Variants in C9 observed in about 807,000 individuals in gnomAD.
C9 encodes the protein complement component C9.
Under a neutral mutation model 65.4 loss-of-function variants are expected in C9, and 63 were observed. That is an observed-to-expected ratio of 0.96 (90% CI 0.79 to 1.19). The LOEUF (loss-of-function observed/expected upper bound fraction) is 1.19, where lower values mean the gene tolerates loss of function less well. Among genes scored for constraint, C9 ranks in the 50% most tolerant of loss-of-function variants. The pLI is 0.00. For synonymous variants in C9, 229 were observed against 227.9 expected (o/e 1.00, Z -0.04); for missense variants, 744 against 670.1 (o/e 1.11, Z -1.22).
At chr5:39,342,380 T>C (rs1754103716) in intron 1 of C9, among the ~76,000 whole-genome samples, 184 bp from the exon 2 acceptor site, 1 of 152,254 alleles carries the variant, frequency 6.6e-6, no homozygotes, top group African/African-American at 2.4e-5. Flanking sequence ...ATCTTTTTGT[T>C]AATTCTTGTC....
chr5:39,300,590 A>G (rs894524613), intron 9 of C9, among the ~76,000 whole-genome samples: 6 of 152,092 alleles, frequency 3.9e-5, no homozygotes, highest in African/African-American at 1.4e-4. Flanking sequence ...TCTGGCAAAC[A>G]TAGGTAATTT....
At chr5:39,347,050 C>A (rs1285034260) in intron 1 of C9, among the ~76,000 whole-genome samples, 2 of 152,134 alleles carry the variant, frequency 1.3e-5, no homozygotes, top group African/African-American at 2.4e-5. Flanking sequence ...TTATGACAAA[C>A]CCACAGCCAA....
intron 9 of C9, among the ~76,000 whole-genome samples, chr5:39,304,582 A>G (rs758603273): frequency 3.9e-5 from 6 of 152,168 alleles, no homozygotes; most frequent in Non-Finnish European, 8.8e-5. Context: ...AAAGTCATAC[A>G]AAGTCAACAA....
chr5:39,337,322 G>A (rs1753989286), intron 4 of C9, among the ~76,000 whole-genome samples: 1 of 152,158 alleles, frequency 6.6e-6, no homozygotes, highest in African/African-American at 2.4e-5. Flanking sequence ...TTGGCCAGTT[G>A]GCTGGACCCA....
At chr5:39,348,603 G>C (rs700215) in intron 1 of C9, among the ~76,000 whole-genome samples, 3,683 of 152,244 alleles carry the variant, frequency 0.024, 157 homozygotes, top group African/African-American at 0.085. Flanking sequence ...CATTGTGGAA[G>C]TCAGTGTGGC....
At chr5:39,331,534 A>T in intron 5 of C9, 142 bp downstream of exon 5, 1 of 757,476 alleles carries the variant, frequency 1.3e-6, no homozygotes, top group Non-Finnish European at 2.3e-6. Flanking sequence ...AAGAGATCCA[A>T]ACTACATCGC....
At chr5:39,356,511 C>T (rs756873163) in intron 1 of C9, among the ~76,000 whole-genome samples, 12 of 152,202 alleles carry the variant, frequency 7.9e-5, no homozygotes, top group African/African-American at 1.9e-4. Context: ...GACAGCCTGA[C>T]GCTTGCCTGG....
chr5:39,289,758 G>C (rs540984702), intron 9 of C9, among the ~76,000 whole-genome samples: 1 of 151,842 alleles, frequency 6.6e-6, no homozygotes, highest in Admixed American at 6.6e-5. Flanking sequence ...TGAACAATAA[G>C]GTTATTGAGG....
chr5:39,352,747 G>T (rs1293367837), intron 1 of C9, among the ~76,000 whole-genome samples: 1 of 152,102 alleles, frequency 6.6e-6, no homozygotes, highest in Non-Finnish European at 1.5e-5. Context: ...GCATCCAGAG[G>T]GGTCTTTTAA....
At chr5:39,289,621 G>GGAC in intron 9 of C9, among the ~76,000 whole-genome samples, 1 of 151,750 alleles carries the variant, frequency 6.6e-6, no homozygotes, top group African/African-American at 2.4e-5. Flanking sequence ...GGAGATAGAA[G>GGAC]GACCTATGGG....
chr5:39,324,888 A>G (rs1753722076), intron 5 of C9, among the ~76,000 whole-genome samples: 1 of 151,570 alleles, frequency 6.6e-6, no homozygotes, highest in African/African-American at 2.4e-5. Flanking sequence ...GAGAGAGAAG[A>G]TCAAGGGGCT....
chr5:39,294,624 C>G lies in C9; in HGVS notation c.1417-5673G>C, dbSNP rs1197021280. On this transcript the variant is annotated intron_variant, in intron 9 of 10. Transcript: ENST00000263408. Reference sequence around the variant, plus strand: ...GACCAGATGGCTTCAATGTTGCATTCTACCAAATCTTTAAACAAGAATTAA... The same window carrying G: ...GACCAGATGGCTTCAATGTTGCATTGTACCAAATCTTTAAACAAGAATTAA... Among the ~76,000 whole-genome samples the G allele has an allele frequency of 6.6e-5, 10 of 151,956 alleles. No homozygotes were observed. The East Asian group carries it at 1.7e-3, about 26-fold the overall frequency.
At chr5:39,363,921 T>C (rs1183236582) in intron 1 of C9, among the ~76,000 whole-genome samples, 1 of 152,108 alleles carries the variant, frequency 6.6e-6, no homozygotes, top group Non-Finnish European at 1.5e-5. Context: ...TGAACACAAC[T>C]CAGGATGTCA....
At chr5:39,285,312 A>C (rs1297289751) in intron 10 of C9, 79 bp from the exon 11 acceptor site, 54 of 1,094,552 alleles carry the variant, frequency 4.9e-5, no homozygotes, top group South Asian at 7.5e-5. Flanking sequence ...CCGCTTTTTC[A>C]CCTTCTTATC....
chr5:39,351,239 C>G (rs1471257222), intron 1 of C9, among the ~76,000 whole-genome samples: 1 of 152,154 alleles, frequency 6.6e-6, no homozygotes, highest in East Asian at 1.9e-4. Context: ...GGGCCTAGTC[C>G]ATGAAATCAT....
In C9 at chr5:39,342,128, C is replaced by G; in HGVS notation, c.146G>C (p.Ser49Thr). 1 of 1,609,392 alleles carries G rather than the reference C, an allele frequency of 6.2e-7. No homozygotes were observed. Among genetic ancestry groups the G allele is most frequent in the South Asian group, 1.1e-5 (1 of 91,004 alleles). ...ACAAGGATCGCATTGTGACCATTCA[C>G]TCCAGGGGCTCATTCTGCAGTCTAT... ...SHIDCRMSPW[S>T]EWSQCDPCLR... is the part of the protein sequence containing the mutation. The change falls in exon 2 of 11, where the codon AGT becomes ACT. Residue 49 changes from serine (S) to threonine (T), a missense_variant. By Grantham distance (58) the Ser-to-Thr change is moderately conservative. Transcript: ENST00000263408.
At chr5:39,325,512 C>T (rs567239857) in intron 5 of C9, among the ~76,000 whole-genome samples, 26 of 152,280 alleles carry the variant, frequency 1.7e-4, no homozygotes, top group Non-Finnish European at 2.9e-4. Flanking sequence ...CGGTTGCTCA[C>T]GCCTGTAATC....
At chr5:39,299,360 T>C (rs1753242546) in intron 9 of C9, among the ~76,000 whole-genome samples, 1 of 152,136 alleles carries the variant, frequency 6.6e-6, no homozygotes, top group Admixed American at 6.6e-5. Context: ...CAAAATTCTG[T>C]ATTCAAATAT....
intron 9 of C9, among the ~76,000 whole-genome samples, chr5:39,294,763 CA>C (rs925912411): frequency 1.3e-5 from 2 of 151,490 alleles, no homozygotes; most frequent in Non-Finnish European, 3.0e-5. Context: ...ACACAACACA[CA>C]AAAAAACCCA....
Sources: gnomAD v4.1 joint callset for allele counts (sites outside exome capture counted in the v4.1 genomes callset) on GRCh38, gnomAD v4.1.1 for gene constraint, MANE v1.5 for transcripts, NCBI Gene and HGNC (gene_info 2026-07-23, HGNC 2026-07-21) for gene names.